The following ODF2L variants were observed in gnomAD, a reference collection of about 807,000 sequenced individuals.
ODF2L encodes the protein protein BCAP.
In ODF2L, 76 loss-of-function variants were observed where a neutral mutation model predicts 86.3. The observed-to-expected ratio is 0.88, with a 90% CI of 0.73 to 1.07. The LOEUF (loss-of-function observed/expected upper bound fraction) is 1.07, where lower values mean the gene tolerates loss of function less well. Ranked by LOEUF, ODF2L falls within the 50% of genes least tolerant of loss-of-function variation. The pLI is 0.00. For missense variants in ODF2L, 748 were observed against 717.4 expected, an observed-to-expected ratio of 1.04 and a Z score of -0.49; for synonymous variants, 241 against 231.3, an observed-to-expected ratio of 1.04 and a Z score of -0.38.
chr1:86,391,080 G>C (rs1281698927), intron 1 of ODF2L, among the ~76,000 whole-genome samples: 1 of 152,092 alleles, frequency 6.6e-6, no homozygotes, highest in Non-Finnish European at 1.5e-5. Flanking sequence ...TTTTACAATA[G>C]CTGCAAAAAC....
downstream of ODF2L, chr1:86,349,850 C>G (rs1302422198): frequency 6.6e-6 from 1 of 152,112 alleles, no homozygotes; most frequent in African/African-American, 2.4e-5. Flanking sequence ...ACAGAAAATA[C>G]AAAAAGGCCT....
At chr1:86,394,384 C>G (rs1661553166) in intron 1 of ODF2L, among the ~76,000 whole-genome samples, 1 of 150,226 alleles carries the variant, frequency 6.7e-6, no homozygotes, top group South Asian at 2.1e-4. Context: ...CCACTGCACT[C>G]CACTGCGGCA....
intron 3 of ODF2L, among the ~76,000 whole-genome samples, chr1:86,385,255 C>T (rs556515302): frequency 6.6e-6 from 1 of 151,968 alleles, no homozygotes; most frequent in Admixed American, 6.6e-5. Flanking sequence ...CTAGCTTAGC[C>T]TCTTATCAGG....
chr1:86,381,379 C>G (rs1414853090), intron 7 of ODF2L, among the ~76,000 whole-genome samples: 3 of 152,000 alleles, frequency 2.0e-5, no homozygotes, highest in Non-Finnish European at 4.4e-5. Context: ...CTGCAGTGCC[C>G]TAGCATACAA....
intron 1 of ODF2L, among the ~76,000 whole-genome samples, chr1:86,393,735 T>C (rs1266242432): frequency 2.0e-5 from 3 of 152,238 alleles, no homozygotes. Flanking sequence ...GTTTAGAATT[T>C]AACTGCTCCA....
exon 12 of ODF2L, chr1:86,360,509 C>T (rs1658953005): frequency 5.0e-6 from 8 of 1,594,470 alleles, no homozygotes; most frequent in African/African-American, 1.3e-5. Flanking sequence ...ACAGATACAA[C>T]TTCATCCTTC....
intron 11 of ODF2L, among the ~76,000 whole-genome samples, chr1:86,362,414 C>T (rs957998129): frequency 3.8e-4 from 58 of 152,022 alleles, no homozygotes; most frequent in African/African-American, 1.3e-3. Context: ...CCACCTCAGC[C>T]TCCCAAGTAG....
chr1:86,382,747 T>C (rs1660675612), intron 6 of ODF2L, among the ~76,000 whole-genome samples, 184 bp downstream of exon 6: 1 of 151,632 alleles, frequency 6.6e-6, no homozygotes, highest in African/African-American at 2.4e-5. Context: ...ATAAAAACCC[T>C]AAAAAAACTT....
chr1:86,354,922 T>A (rs1658423871), intron 14 of ODF2L, 63 bp from the exon 14 acceptor site: 2 of 894,288 alleles, frequency 2.2e-6, no homozygotes, highest in Admixed American at 4.2e-5. Flanking sequence ...AAGAAATCCA[T>A]ATAATTTATT....
At chr1:86,386,714 T>C (rs191463319) in intron 2 of ODF2L, 322 of 417,128 alleles carry the variant, frequency 7.7e-4, no homozygotes, top group African/African-American at 5.6e-3. Context: ...TTGCTTTCAT[T>C]AAGATTCAAA....
chr1:86,375,972 T>C (rs540340999), intron 8 of ODF2L, among the ~76,000 whole-genome samples: 1 of 152,304 alleles, frequency 6.6e-6, no homozygotes, highest in African/African-American at 2.4e-5. Context: ...GAACCTTTTT[T>C]TGTGTGTGGA....
Position 86,382,324 on chromosome 1 carries a change from G to C in ODF2L, c.542C>G (p.Ser181Ter). 1 of 1,611,392 alleles carries C rather than the reference G, an allele frequency of 6.2e-7. No individual in the cohort carries two copies. ...TAGTCGTTCATGTACTACTTTTACT[G>C]ATTGGGAAAAACGGTTTGCTTTCAA... The change falls in exon 7 of 18, where the codon TCA (serine) becomes TGA (stop). Residue 181 changes from serine to a stop codon, truncating the protein, a stop_gained. Coordinates refer to ENST00000317336, the Ensembl canonical transcript of ODF2L. LOFTEE classifies it high-confidence loss of function.
intron 13 of ODF2L, chr1:86,357,863 G>A (rs1658705072): frequency 8.1e-6 from 8 of 985,196 alleles, no homozygotes; most frequent in Non-Finnish European, 9.6e-6. Flanking sequence ...TGTAAAATAT[G>A]CTTTTATTTA....
chr1:86,352,113 G>A, exon 18 of ODF2L: 3 of 1,455,242 alleles, frequency 2.1e-6, no homozygotes, highest in South Asian at 3.0e-5. Context: ...ATCAAATTGT[G>A]CATGCCAAAA....
chr1:86,385,843 T>TATGAGCCTAAGAA (rs1660919805), intron 2 of ODF2L: 1 of 240,738 alleles, frequency 4.2e-6, no homozygotes, highest in East Asian at 1.0e-4. Context: ...AGGAGCATTT[T>TATGAGCCTAAGAA]CAATATTTAT....
At chr1:86,395,581 G>A (rs1356111352) in intron 1 of ODF2L, among the ~76,000 whole-genome samples, 1 of 152,110 alleles carries the variant, frequency 6.6e-6, no homozygotes, top group Non-Finnish European at 1.5e-5. Context: ...GAGGAATCCT[G>A]GAGAAGGAAT....
intron 7 of ODF2L, 33 bp from the exon 8 acceptor site, chr1:86,376,451 T>A (rs1421237462): frequency 7.4e-7 from 1 of 1,344,394 alleles, no homozygotes. Context: ...TTAAATTATT[T>A]CAGAACTCCA....
intron 11 of ODF2L, 46 bp from the exon 11 acceptor site, chr1:86,360,582 T>C (rs766702462): frequency 3.4e-5 from 27 of 794,070 alleles, no homozygotes; most frequent in South Asian, 3.2e-4. Flanking sequence ...AATACATTTA[T>C]ACTCCAGTGC....
chr1:86,373,319 G>A (rs1659940900), intron 8 of ODF2L, among the ~76,000 whole-genome samples: 1 of 144,754 alleles, frequency 6.9e-6, no homozygotes, highest in Non-Finnish European at 1.5e-5. Flanking sequence ...TTTTGCCCTG[G>A]CTGAAGTGCA....
Sources: allele counts gnomAD v4.1 joint callset (sites outside exome capture counted in the v4.1 genomes callset), GRCh38; gene constraint gnomAD v4.1.1; transcripts MANE v1.5; gene names NCBI Gene and HGNC (gene_info 2026-07-23, HGNC 2026-07-21).